Variants in SLC44A5 observed in about 807,000 individuals in gnomAD.
SLC44A5 encodes choline transporter-like protein 5.
Under a neutral mutation model 101.8 loss-of-function variants are expected in SLC44A5, and 57 were observed. The ratio of observed to expected loss-of-function variants is 0.56; its 90% CI spans 0.45 to 0.70. SLC44A5 has a LOEUF of 0.70. Among genes scored for constraint, SLC44A5 ranks in the 30% least tolerant of loss-of-function variants. The pLI is 0.00. For missense variants in SLC44A5, 737 were observed against 853.1 expected (o/e 0.86, Z 1.70); for synonymous variants, 281 against 290.9 (o/e 0.97, Z 0.35).
chr1:75,269,860 T>C (rs1401639302), intron 6 of SLC44A5, among the ~76,000 whole-genome samples: 1 of 152,168 alleles, frequency 6.6e-6, no homozygotes, highest in African/African-American at 2.4e-5. Flanking sequence ...TCTTGAATTA[T>C]AGCTCCCATA....
chr1:75,334,240 T>A (rs1657275195), intron 4 of SLC44A5, among the ~76,000 whole-genome samples: 1 of 152,198 alleles, frequency 6.6e-6, no homozygotes, highest in Non-Finnish European at 1.5e-5. Flanking sequence ...CATCAGTGTG[T>A]CTTCTGAGCT....
At chr1:75,536,773 G>C (rs1306618283) in intron 2 of SLC44A5, among the ~76,000 whole-genome samples, 1 of 146,922 alleles carries the variant, frequency 6.8e-6, no homozygotes, top group African/African-American at 2.5e-5. Context: ...TTGGGAGGCC[G>C]AGGCGGGCGG....
chr1:75,250,300 G>T (rs1363495733), intron 7 of SLC44A5, among the ~76,000 whole-genome samples: 2 of 152,116 alleles, frequency 1.3e-5, no homozygotes, highest in African/African-American at 4.8e-5. Flanking sequence ...ATGACCACCA[G>T]CTCCATCCAT....
the SLC44A5 span, among the ~76,000 whole-genome samples, chr1:75,692,745 G>A: frequency 7.9e-5 from 12 of 152,096 alleles, no homozygotes; most frequent in Admixed American, 2.6e-4. Context: ...ATGTAGGTAG[G>A]TTTGAAAAGA....
At chr1:75,538,326 A>G (rs1424940818) in intron 2 of SLC44A5, among the ~76,000 whole-genome samples, 3 of 152,246 alleles carry the variant, frequency 2.0e-5, no homozygotes, top group African/African-American at 7.2e-5. Flanking sequence ...TCTGTATTCT[A>G]TATCAGTATG....
chr1:75,251,443 T>G, intron 6 of SLC44A5, 149 bp from the exon 7 acceptor site: 1 of 594,798 alleles, frequency 1.7e-6, no homozygotes, highest in Non-Finnish European at 2.9e-6. Flanking sequence ...CTTAGGTACC[T>G]AACCTTTAAA....
chr1:75,576,378 G>C (rs913413273), intron 1 of SLC44A5, among the ~76,000 whole-genome samples: 2 of 151,342 alleles, frequency 1.3e-5, no homozygotes, highest in Admixed American at 1.3e-4. Context: ...GCAATGGCGC[G>C]ATCTCCACTC....
the SLC44A5 span, among the ~76,000 whole-genome samples, chr1:75,672,422 T>C: frequency 2.7e-5 from 4 of 150,702 alleles, no homozygotes; most frequent in Non-Finnish European, 4.4e-5. Context: ...TAGCCAGAGG[T>C]GAATTATCCA....
At chr1:75,572,854 G>A (rs1206008168) in intron 1 of SLC44A5, among the ~76,000 whole-genome samples, 1 of 151,966 alleles carries the variant, frequency 6.6e-6, no homozygotes, top group Non-Finnish European at 1.5e-5. Flanking sequence ...CAGGCGCAGT[G>A]GCTCACCCAT....
intron 3 of SLC44A5, among the ~76,000 whole-genome samples, chr1:75,384,274 G>C (rs1661133607): frequency 1.3e-5 from 2 of 151,930 alleles, no homozygotes; most frequent in Admixed American, 1.3e-4. Flanking sequence ...ATTGGATAAA[G>C]AGTCAAGACC....
chr1:75,281,063 G>T (rs528288093), intron 5 of SLC44A5, among the ~76,000 whole-genome samples: 1 of 152,118 alleles, frequency 6.6e-6, no homozygotes, highest in Non-Finnish European at 1.5e-5. Flanking sequence ...AAGAAGACAG[G>T]AAAATGTGGG....
chr1:75,598,160 T>G (rs1674761528), intron 1 of SLC44A5, among the ~76,000 whole-genome samples: 1 of 151,352 alleles, frequency 6.6e-6, no homozygotes, highest in Admixed American at 6.6e-5. Context: ...AAGACATACA[T>G]GCACCCAACA....
chr1:75,507,830 G>C (rs1350320338), intron 2 of SLC44A5, among the ~76,000 whole-genome samples: 2 of 152,012 alleles, frequency 1.3e-5, no homozygotes, highest in African/African-American at 4.8e-5. Flanking sequence ...TTTTTAGTTT[G>C]TGTGAATAGA....
At chr1:75,549,854 C>A (rs1671843902) in intron 1 of SLC44A5, among the ~76,000 whole-genome samples, 1 of 152,018 alleles carries the variant, frequency 6.6e-6, no homozygotes, top group African/African-American at 2.4e-5. Flanking sequence ...ATGTGAACAT[C>A]CTGTAAAGGC....
intron 2 of SLC44A5, among the ~76,000 whole-genome samples, chr1:75,476,144 C>A (rs1667382839): frequency 1.3e-5 from 2 of 151,888 alleles, no homozygotes; most frequent in African/African-American, 4.8e-5. Flanking sequence ...GATCAGGCCA[C>A]TGCACTCCAG....
intron 2 of SLC44A5, among the ~76,000 whole-genome samples, chr1:75,458,287 C>A (rs1666301267): frequency 6.6e-6 from 1 of 152,064 alleles, no homozygotes; most frequent in Admixed American, 6.5e-5. Flanking sequence ...TTTCTGGGGG[C>A]ATAAAGCATG....
rs1344172439 is a variant in SLC44A5, at chr1:75,238,157, TC to T, written c.656+355del. Among the ~76,000 whole-genome samples the T allele has an allele frequency of 1.8e-3, 275 of 150,054 alleles. 1 individual carries two copies. Among genetic ancestry groups the T allele is most frequent in the African/African-American group, 6.6e-3 (268 of 40,746 alleles). ...TCATTATTCTTTCTTTCTTTTATTT[TC>T]CTTTTTTTTTTTTTAAATCCCAGCT... On this transcript the variant is annotated intron_variant, in intron 10 of 23. Coordinates refer to ENST00000370859, the MANE Select transcript of SLC44A5 (RefSeq NM_001130058.2).
chr1:75,521,879 ACG>A (rs1407208168), intron 2 of SLC44A5: 2 of 153,384 alleles, frequency 1.3e-5, no homozygotes, highest in Non-Finnish European at 2.9e-5. Flanking sequence ...AAAACAATGC[ACG>A]CAGTGTACAA....
chr1:75,376,836 T>G (rs1283653845), intron 3 of SLC44A5, among the ~76,000 whole-genome samples: 1 of 152,200 alleles, frequency 6.6e-6, no homozygotes, highest in African/African-American at 2.4e-5. Context: ...AGAATGACTT[T>G]GACAAGCTGA....
Sources: gnomAD v4.1 joint callset for allele counts (sites outside exome capture counted in the v4.1 genomes callset) on GRCh38, gnomAD v4.1.1 for gene constraint, MANE v1.5 for transcripts, NCBI Gene and HGNC (gene_info 2026-07-23, HGNC 2026-07-21) for gene names.